The following SPG21 variants were observed in gnomAD, a reference collection of about 807,000 sequenced individuals.
The protein encoded by SPG21 is maspardin.
In SPG21, 26 loss-of-function variants were observed where a neutral mutation model predicts 38.9. The observed-to-expected ratio is 0.67, with a 90% CI of 0.49 to 0.93. The LOEUF (loss-of-function observed/expected upper bound fraction) is 0.93. SPG21 is among the 40% of genes least tolerant of loss of function. The probability of loss-of-function intolerance (pLI) is 0.00; values close to 1 mark genes in which losing one functional copy is unlikely to be tolerated. For synonymous variants in SPG21, 136 were observed against 128.9 expected (o/e 1.05, Z -0.37); for missense variants, 333 against 376.5 (o/e 0.88, Z 0.96).
chr15:64,972,883 C>CA (rs2085698641), intron 5 of SPG21, among the ~76,000 whole-genome samples: 1 of 151,956 alleles, frequency 6.6e-6, no homozygotes, highest in African/African-American at 2.4e-5. Context: ...TAAAAAATAT[C>CA]AGAGTGCAAT....
chr15:64,983,593 C>T lies in SPG21; in HGVS notation c.-24G>A. On this transcript the variant is annotated splice_region_variant and 5_prime_UTR_variant, in exon 2 of 9. Transcript: ENST00000204566. ...ATGATTAGCTGAAATGGAGGTTAAT[C>T]CTGAAATAAAAGCATGTGATATTTC... is the stretch of plus-strand genomic sequence containing the variant. The T allele has an allele frequency of 6.5e-7, 1 of 1,534,000 alleles. No individual in the cohort carries two copies. The highest frequency in any genetic ancestry group is 8.9e-7 in the Non-Finnish European group (1 of 1,125,396).
intron 8 of SPG21, among the ~76,000 whole-genome samples, chr15:64,964,902 T>C (rs1414931753): frequency 6.6e-6 from 1 of 152,180 alleles, no homozygotes; most frequent in Non-Finnish European, 1.5e-5. Context: ...AGTGCTGAGA[T>C]TACAGGCATG....
chr15:64,970,897 G>A (rs1055923848), intron 5 of SPG21, among the ~76,000 whole-genome samples: 18 of 152,036 alleles, frequency 1.2e-4, no homozygotes, highest in Non-Finnish European at 1.8e-4. Context: ...ATGCCACCAC[G>A]CCCGGCTAAC....
In SPG21 at chr15:64,963,182, A is replaced by C. The variant is rs2085481814; in HGVS notation, c.*438T>G. 1 of 165,332 alleles carries C rather than the reference A, an allele frequency of 6.0e-6. No individual in the cohort carries two copies. Among genetic ancestry groups the C allele is most frequent in the South Asian group, 1.6e-4 (1 of 6,112 alleles). The allele number at this position is 165,332 out of a possible 1,614,324, so 10.2% of individuals were successfully genotyped here. A position where few individuals can be genotyped will look rare whatever the true frequency, so the allele number is the denominator to read the frequency against. ...ACTCTGATCATGGTTATATCCAAGA[A>C]AGCATAAAATAACCAATGTCCTGAT... On this transcript the variant is annotated 3_prime_UTR_variant, in exon 9 of 9. Transcript: ENST00000204566.
intron 8 of SPG21, among the ~76,000 whole-genome samples, chr15:64,965,029 T>C (rs1464658222): frequency 6.6e-6 from 1 of 152,200 alleles, no homozygotes; most frequent in Non-Finnish European, 1.5e-5. Context: ...TGGAATTCAC[T>C]GTGTCCAGAG....
chr15:64,963,678 C>G lies in SPG21; in HGVS notation c.869G>C (p.Ser290Thr). ...KYAAIDPSMV[S>T]AEELEVQKGS... ...TTTCTGCACCTCAAGCTCCTCGGCA[C>G]TGACCATTGATGGGTCAATGGCCGC... is the stretch of plus-strand genomic sequence containing the variant. Residue 290 changes from serine to threonine, a missense_variant, in exon 9 of 9, where the codon AGT becomes ACT. Ser to Thr is a moderately conservative substitution (Grantham distance 58). Coordinates refer to ENST00000204566, the MANE Select transcript of SPG21 (RefSeq NM_016630.7). 1.2e-6 allele frequency: 2 copies of G among 1,614,196 alleles called. No individual in the cohort carries two copies. The highest frequency in any genetic ancestry group is 4.5e-5 in the East Asian group (2 of 44,888).
chr15:64,977,860 T>A (rs2140434632), intron 3 of SPG21, among the ~76,000 whole-genome samples: 1 of 152,188 alleles, frequency 6.6e-6, no homozygotes, highest in Non-Finnish European at 1.5e-5. Context: ...TCTCGCTCTG[T>A]CGCCCAGGCT....
At chr15:64,984,683 C>T (rs2085952959) in intron 1 of SPG21, among the ~76,000 whole-genome samples, 1 of 151,746 alleles carries the variant, frequency 6.6e-6, no homozygotes. Context: ...AGCCTGCTTC[C>T]TGATAAATTC....
chr15:64,977,018 C>G (rs571023380), intron 3 of SPG21, among the ~76,000 whole-genome samples: 2 of 152,208 alleles, frequency 1.3e-5, no homozygotes, highest in East Asian at 3.9e-4. Flanking sequence ...AAAATTGTTC[C>G]TCTTCTTTTA....
chr15:64,978,193 A>G (rs2085821762), intron 3 of SPG21, among the ~76,000 whole-genome samples: 1 of 149,598 alleles, frequency 6.7e-6, no homozygotes, highest in Non-Finnish European at 1.5e-5. Flanking sequence ...CACGCTTGCA[A>G]TCCCAGCGCT....
intron 5 of SPG21, 102 bp from the exon 6 acceptor site, chr15:64,970,324 A>C: frequency 9.8e-7 from 1 of 1,023,836 alleles, no homozygotes; most frequent in South Asian, 1.3e-5. Context: ...CTAGAAATAA[A>C]AAGTCCTAAT....
At chr15:64,978,673 A>G (rs959561730) in intron 3 of SPG21, among the ~76,000 whole-genome samples, 1 of 152,208 alleles carries the variant, frequency 6.6e-6, no homozygotes, top group Non-Finnish European at 1.5e-5. Flanking sequence ...GATTCTACCT[A>G]GCAGAAAGTT....
At chr15:64,971,565 C>T (rs568625291) in intron 5 of SPG21, among the ~76,000 whole-genome samples, 22 of 149,542 alleles carry the variant, frequency 1.5e-4, no homozygotes, top group African/African-American at 3.5e-4. Flanking sequence ...CTGAGCCAGG[C>T]GCAATGGCTC....
intron 3 of SPG21, among the ~76,000 whole-genome samples, chr15:64,978,959 A>G (rs1003213144): frequency 1.3e-5 from 2 of 152,236 alleles, no homozygotes; most frequent in African/African-American, 4.8e-5. Flanking sequence ...ACTATTTTTT[A>G]CACTGCATGT....
chr15:64,989,168 C>T (rs183777540), intron 1 of SPG21: 4 of 152,104 alleles, frequency 2.6e-5, no homozygotes, highest in Non-Finnish European at 4.4e-5. Flanking sequence ...CGTTTACAAA[C>T]CTTACACCTG....
chr15:64,967,945 A>G (rs2085576261), intron 7 of SPG21, among the ~76,000 whole-genome samples: 1 of 152,216 alleles, frequency 6.6e-6, no homozygotes. Context: ...TAGAAGCACT[A>G]TTCACAATTG....
chr15:64,969,226 G>A (rs1312183790), intron 7 of SPG21, 29 bp downstream of exon 7: 1 of 1,391,142 alleles, frequency 7.2e-7, no homozygotes, highest in Non-Finnish European at 1.0e-6. Flanking sequence ...AAAAAGTAAA[G>A]CAGCTATTTT....
At chr15:64,969,221 G>T in intron 7 of SPG21, 34 bp downstream of exon 7, 1 of 1,383,762 alleles carries the variant, frequency 7.2e-7, no homozygotes, top group Non-Finnish European at 1.0e-6. Flanking sequence ...ATTTTAAAAA[G>T]TAAAGCAGCT....
chr15:64,971,081 G>C (rs966198540), intron 5 of SPG21, among the ~76,000 whole-genome samples: 4 of 151,918 alleles, frequency 2.6e-5, no homozygotes, highest in Non-Finnish European at 5.9e-5. Flanking sequence ...AACTTTTAGA[G>C]ACAGGGTCTC....
Sources: gnomAD v4.1 joint callset for allele counts (sites outside exome capture counted in the v4.1 genomes callset) on GRCh38, gnomAD v4.1.1 for gene constraint, MANE v1.5 for transcripts, NCBI Gene and HGNC (gene_info 2026-07-23, HGNC 2026-07-21) for gene names.